ABLIM1: variants seen among roughly 807,000 people sequenced by gnomAD.
ABLIM1 encodes the protein actin binding LIM protein 1.
In ABLIM1, 40 loss-of-function variants were observed where a neutral mutation model predicts 107.0. The ratio of observed to expected loss-of-function variants is 0.37; its 90% confidence interval spans 0.29 to 0.49. ABLIM1 has a LOEUF of 0.49. Ranked by LOEUF, ABLIM1 falls within the 20% of genes least tolerant of loss-of-function variation. The pLI is 0.97. For synonymous variants in ABLIM1, 357 were observed against 357.3 expected (o/e 1.00, Z 0.01); for missense variants, 857 against 1,008.5 (o/e 0.85, Z 2.04).
intron 6 of ABLIM1, among the ~76,000 whole-genome samples, chr10:114,542,620 AAAG>A (rs1191149631): frequency 4.9e-5 from 7 of 144,326 alleles, no homozygotes; most frequent in Non-Finnish European, 1.1e-4. Flanking sequence ...AAAGAAAGAG[AAAG>A]AAGAAGGAGG....
intron 6 of ABLIM1, among the ~76,000 whole-genome samples, chr10:114,506,714 G>A (rs2061202337): frequency 6.6e-6 from 1 of 152,142 alleles, no homozygotes; most frequent in Non-Finnish European, 1.5e-5. Flanking sequence ...AATTGTTTAA[G>A]TTTCTTACAG....
At chr10:114,669,362 T>C (rs1024344814) in intron 1 of ABLIM1, among the ~76,000 whole-genome samples, 1 of 152,222 alleles carries the variant, frequency 6.6e-6, no homozygotes, top group Non-Finnish European at 1.5e-5. Context: ...CTTCCAGCCA[T>C]CCTTGGATAC....
Position 114,673,282 on chromosome 10 carries a change from C to A in ABLIM1, c.64+11008G>T, listed in dbSNP as rs1019343936. On this transcript the variant is annotated intron_variant, in intron 1 of 23. Coordinates refer to the ABLIM1 transcript ENST00000369256. ...AAAAAAAAAAAAAACAAAAAAAAAA[C>A]AAAACTCTTTCCACCAACACCACAC... is the stretch of plus-strand genomic sequence containing the variant. 5.3e-3 allele frequency among the ~76,000 whole-genome samples: 766 copies of A among 145,896 alleles called. 5 individuals are homozygous for A. The highest frequency in any genetic ancestry group is 0.015 in the African/African-American group (614 of 39,796).
At chr10:114,793,798 G>A in the ABLIM1 span, among the ~76,000 whole-genome samples, 7 of 152,140 alleles carry the variant, frequency 4.6e-5, no homozygotes, top group African/African-American at 1.2e-4. Context: ...CAAGTCTCCC[G>A]TCCATCCTTT....
At chr10:114,486,827 G>A (rs1029840664) in intron 8 of ABLIM1, among the ~76,000 whole-genome samples, 1 of 152,100 alleles carries the variant, frequency 6.6e-6, no homozygotes, top group Non-Finnish European at 1.5e-5. Flanking sequence ...ATGGTAAAAT[G>A]TCTCCCTCTG....
chr10:114,545,229 C>T (rs1446785185), intron 5 of ABLIM1, 131 bp from the exon 6 acceptor site: 4 of 789,526 alleles, frequency 5.1e-6, no homozygotes, highest in Admixed American at 4.1e-5. Flanking sequence ...TGTTCACATG[C>T]CTGGCAATCC....
At chr10:114,509,439 G>A (rs984529218) in intron 6 of ABLIM1, among the ~76,000 whole-genome samples, 17 of 151,964 alleles carry the variant, frequency 1.1e-4, no homozygotes, top group East Asian at 5.8e-4. Flanking sequence ...CCTTCCTCCC[G>A]TGCTGTTCTT....
chr10:114,692,825 G>A (rs1203509428), intron 1 of ABLIM1, among the ~76,000 whole-genome samples: 2 of 152,216 alleles, frequency 1.3e-5, no homozygotes, highest in African/African-American at 4.8e-5. Flanking sequence ...GGGAGACAGA[G>A]ATTGCAGTGA....
intron 1 of ABLIM1, among the ~76,000 whole-genome samples, chr10:114,635,175 C>T (rs907834620): frequency 6.6e-6 from 1 of 152,200 alleles, no homozygotes; most frequent in African/African-American, 2.4e-5. Flanking sequence ...TCTGCCCCAT[C>T]AGACTGACCC....
At chr10:114,449,819 A>G (rs2061567775) in intron 14 of ABLIM1, among the ~76,000 whole-genome samples, 3 of 152,224 alleles carry the variant, frequency 2.0e-5, no homozygotes, top group Admixed American at 2.0e-4. Flanking sequence ...TTTGGGCATA[A>G]CAACTATTTC....
chr10:114,578,453 G>C (rs2483573), intron 2 of ABLIM1, among the ~76,000 whole-genome samples: 56,063 of 149,738 alleles, frequency 0.37, 14,197 homozygotes, highest in African/African-American at 0.72. Context: ...GCTGTCCAGG[G>C]TGGAGTGCAA....
chr10:114,781,447 T>C, the ABLIM1 span, among the ~76,000 whole-genome samples: 10 of 151,406 alleles, frequency 6.6e-5, no homozygotes, highest in African/African-American at 9.7e-5. Flanking sequence ...GAGGTTGCAG[T>C]GAGCCGAGAT....
intron 1 of ABLIM1, among the ~76,000 whole-genome samples, chr10:114,728,821 C>T (rs185686031): frequency 3.3e-5 from 5 of 152,188 alleles, no homozygotes; most frequent in Admixed American, 2.0e-4. Context: ...CATTTTATTT[C>T]TTAAAACAAT....
At chr10:114,487,276 C>T (rs2058325799) in intron 8 of ABLIM1, among the ~76,000 whole-genome samples, 1 of 152,116 alleles carries the variant, frequency 6.6e-6, no homozygotes, top group African/African-American at 2.4e-5. Context: ...TTAGGTTAAC[C>T]CAAGGCACTG....
At chr10:114,665,784 C>T (rs960767024) in intron 1 of ABLIM1, among the ~76,000 whole-genome samples, 2 of 152,150 alleles carry the variant, frequency 1.3e-5, no homozygotes, top group African/African-American at 2.4e-5. Flanking sequence ...TGAGATGGAG[C>T]CCCCACATCT....
chr10:114,646,591 C>A (rs578029992), intron 1 of ABLIM1, among the ~76,000 whole-genome samples: 21 of 152,232 alleles, frequency 1.4e-4, no homozygotes, highest in African/African-American at 4.6e-4. Flanking sequence ...TCAGAGATAC[C>A]GACCAAACGG....
In ABLIM1 at chr10:114,444,152, G is replaced by GGA; in HGVS notation, c.1828-19_1828-18insTC. The GGA allele has an allele frequency of 2.4e-6, 3 of 1,276,176 alleles. No homozygotes were observed. The South Asian group carries it at 4.5e-5, about 19-fold the overall frequency. 79.1% of individuals were successfully genotyped at this position (1,276,176 alleles called of 1,614,324 possible). On this transcript the variant is annotated intron_variant, in intron 16 of 22. Coordinates refer to ENST00000533213, the MANE Select transcript of ABLIM1 (RefSeq NM_002313.7). ...GAGTTAAGCTATTCACAGAAAAAAGGAAAAAAAAAAAAAAAAGAAAGCAAA... is the reference window on the plus strand; with the variant it reads ...GAGTTAAGCTATTCACAGAAAAAAGGGAAAAAAAAAAAAAAAAAGAAAGCAAA...
chr10:114,650,091 G>A (rs955919422), intron 1 of ABLIM1, among the ~76,000 whole-genome samples: 5 of 152,046 alleles, frequency 3.3e-5, no homozygotes, highest in South Asian at 2.1e-4. Context: ...TCCTGACCTC[G>A]TGATTCACCC....
chr10:114,470,300 G>A (rs570055433), intron 10 of ABLIM1, among the ~76,000 whole-genome samples: 17 of 151,098 alleles, frequency 1.1e-4, no homozygotes, highest in Admixed American at 2.6e-4. Context: ...GCACATGCCC[G>A]TAGTCTCAGC....
Sources: allele counts gnomAD v4.1 joint callset (sites outside exome capture counted in the v4.1 genomes callset), GRCh38; gene constraint gnomAD v4.1.1; transcripts MANE v1.5; gene names NCBI Gene and HGNC (gene_info 2026-07-23, HGNC 2026-07-21).